Variants in ZRANB3 observed in about 807,000 individuals in gnomAD.
The protein encoded by ZRANB3 is DNA annealing helicase and endonuclease ZRANB3.
ZRANB3 carries 125 observed loss-of-function variants against 133.8 expected under a neutral mutation model. The observed-to-expected ratio is 0.93, with a 90% CI of 0.81 to 1.08. The LOEUF is 1.08. ZRANB3 is among the 50% of genes least tolerant of loss of function. ZRANB3 has a pLI of 0.00. For synonymous variants in ZRANB3, 387 were observed against 432.7 expected, an observed-to-expected ratio of 0.89 and a Z score of 1.31; for missense variants, 1,229 against 1,275.5, an observed-to-expected ratio of 0.96 and a Z score of 0.56.
chr2:135,451,068 C>T (rs2105005077), intron 2 of ZRANB3, among the ~76,000 whole-genome samples: 1 of 152,258 alleles, frequency 6.6e-6, no homozygotes, highest in East Asian at 1.9e-4. Context: ...AGAGTTTCTG[C>T]CTTCACAGTG....
At chr2:135,416,212 T>G (rs1379042993) in intron 2 of ZRANB3, among the ~76,000 whole-genome samples, 3 of 151,564 alleles carry the variant, frequency 2.0e-5, no homozygotes, top group African/African-American at 7.3e-5. Context: ...GAAAACCCCA[T>G]CGTCTCAGCC....
Position 135,247,545 on chromosome 2 carries a change from CTTA to C in ZRANB3, c.1540-16621_1540-16619del, listed in dbSNP as rs112490188. Among the ~76,000 whole-genome samples the C allele has an allele frequency of 3.0e-3, 463 of 151,996 alleles. 3 individuals carry two copies. The highest frequency in any genetic ancestry group is 0.01 in the African/African-American group (432 of 41,450). On this transcript the variant is annotated intron_variant, in intron 12 of 20. Transcript: ENST00000264159. ...AGTAGTAAAAAAGAAAACGTTATTA[CTTA>C]TTATTATTTTTTTTTAGAGACATGG...
chr2:135,345,517 A>C, intron 6 of ZRANB3, 33 bp downstream of exon 6: 1 of 1,478,362 alleles, frequency 6.8e-7, no homozygotes, highest in African/African-American at 1.4e-5. Flanking sequence ...TAAACATGTG[A>C]GGAAAAAATT....
At chr2:135,464,398 T>C (rs1284300343) in intron 2 of ZRANB3, among the ~76,000 whole-genome samples, 2 of 152,186 alleles carry the variant, frequency 1.3e-5, no homozygotes, top group Non-Finnish European at 2.9e-5. Flanking sequence ...ACTGTTCGCC[T>C]TAGGGTGGAA....
At chr2:135,370,169 CT>C (rs909273820) in intron 3 of ZRANB3, among the ~76,000 whole-genome samples, 108 of 142,194 alleles carry the variant, frequency 7.6e-4, no homozygotes, top group Admixed American at 1.5e-3. Flanking sequence ...GTTCTATAAT[CT>C]TTTTTTTTTT....
intron 8 of ZRANB3, among the ~76,000 whole-genome samples, chr2:135,298,606 C>G (rs1472556625): frequency 6.6e-6 from 1 of 152,094 alleles, no homozygotes; most frequent in African/African-American, 2.4e-5. Flanking sequence ...GTCTAGCCAC[C>G]CCAGTAGAGC....
rs149661556 is a variant in ZRANB3 at position 135,475,441 on chromosome 2, G to A, written c.161+28888C>T. Among the ~76,000 whole-genome samples, 431 of 152,214 alleles carry A rather than the reference G, an allele frequency of 2.8e-3. 1 individual carries two copies. The highest frequency in any genetic ancestry group is 9.4e-3 in the African/African-American group (390 of 41,524). Reference sequence around the variant, plus strand: ...ACAATAATTAAATCTAAAGCTTCTTGACTATATCTTTTGAACTGGGCATCA... The same window carrying A: ...ACAATAATTAAATCTAAAGCTTCTTAACTATATCTTTTGAACTGGGCATCA... On this transcript the variant is annotated intron_variant, in intron 2 of 20. Coordinates refer to ENST00000264159, the MANE Select transcript of ZRANB3 (RefSeq NM_032143.4).
intron 2 of ZRANB3, among the ~76,000 whole-genome samples, chr2:135,405,112 G>C (rs183402508): frequency 2.3e-3 from 344 of 152,190 alleles, no homozygotes; most frequent in African/African-American, 6.0e-3. Flanking sequence ...TCAAAATAAA[G>C]GGATGGAGGA....
chr2:135,345,324 C>T lies in ZRANB3; in HGVS notation c.677+226G>A, dbSNP rs1194116357. ...CTATTAAAAATACAAAAAAATTAGC[C>T]GGGCATGGTGGCGCATGCCTGTAAT... On this transcript the variant is annotated intron_variant, in intron 6 of 20. Coordinates refer to ENST00000264159, the MANE Select transcript of ZRANB3 (RefSeq NM_032143.4). 37 of 348,356 alleles carry T rather than the reference C, an allele frequency of 1.1e-4. 1 individual carries two copies. The highest frequency in any genetic ancestry group is 1.6e-4 in the Non-Finnish European group (31 of 192,130). 21.6% of individuals were successfully genotyped at this position (348,356 alleles called of 1,614,324 possible). A position where few individuals can be genotyped will look rare whatever the true frequency, so the allele number is the denominator to read the frequency against.
chr2:135,332,011 T>G (rs1684169838), intron 6 of ZRANB3, among the ~76,000 whole-genome samples: 1 of 152,108 alleles, frequency 6.6e-6, no homozygotes, highest in Non-Finnish European at 1.5e-5. Flanking sequence ...TGTTAATGCA[T>G]GGGACAAGGC....
chr2:135,217,256 G>C (rs192727981), intron 17 of ZRANB3, among the ~76,000 whole-genome samples: 68 of 152,200 alleles, frequency 4.5e-4, no homozygotes, highest in African/African-American at 1.6e-3. Flanking sequence ...AGTAAGATCT[G>C]GACAACCTGA....
At chr2:135,258,106 T>C (rs1286630088) in intron 12 of ZRANB3, among the ~76,000 whole-genome samples, 2 of 152,116 alleles carry the variant, frequency 1.3e-5, no homozygotes, top group African/African-American at 4.8e-5. Context: ...CTGGACAACA[T>C]GGTGAGATCC....
At chr2:135,399,450 T>G (rs1319304902) in intron 2 of ZRANB3, among the ~76,000 whole-genome samples, 1 of 152,164 alleles carries the variant, frequency 6.6e-6, no homozygotes, top group African/African-American at 2.4e-5. Flanking sequence ...AGGCTAAAGT[T>G]TTAGAGTAAG....
intron 2 of ZRANB3, among the ~76,000 whole-genome samples, chr2:135,397,039 A>T (rs992811364): frequency 2.0e-5 from 3 of 152,116 alleles, no homozygotes; most frequent in African/African-American, 7.2e-5. Context: ...AGGCAGGAGG[A>T]TCCCTTGAGC....
chr2:135,481,960 G>C (rs764254271), intron 2 of ZRANB3, among the ~76,000 whole-genome samples: 3,675 of 137,248 alleles, frequency 0.027, 110 homozygotes, highest in Middle Eastern at 0.035. Context: ...GCTCTGTTCT[G>C]TTCCATTGAT....
chr2:135,291,099 T>A (rs1681690562), intron 8 of ZRANB3, among the ~76,000 whole-genome samples: 1 of 152,108 alleles, frequency 6.6e-6, no homozygotes. Flanking sequence ...TGACCTCAGG[T>A]GATCCACCTG....
At position 135,495,490 on chromosome 2, in the gene ZRANB3, C is replaced by T. The variant is rs1574202141; in HGVS notation, c.161+8839G>A. Among the ~76,000 whole-genome samples, 3 of 152,196 alleles carry T rather than the reference C, an allele frequency of 2.0e-5. No individual in the cohort carries two copies. In the South Asian group the frequency reaches 6.2e-4, roughly 32 times the overall value. On this transcript the variant is annotated intron_variant, in intron 2 of 20. Transcript: ENST00000264159. ...CCTACTCTCAAATGGTTTATAAAAA[C>T]ATGAATGCAAGCATAGGTGTATATA...
At chr2:135,385,708 T>C (rs1686938527) in intron 3 of ZRANB3, among the ~76,000 whole-genome samples, 1 of 152,150 alleles carries the variant, frequency 6.6e-6, no homozygotes, top group African/African-American at 2.4e-5. Flanking sequence ...ATCTGGTCTT[T>C]GACAAACCTG....
At chr2:135,379,684 C>T (rs1028944662) in intron 3 of ZRANB3, among the ~76,000 whole-genome samples, 8 of 152,214 alleles carry the variant, frequency 5.3e-5, no homozygotes, top group South Asian at 4.1e-4. Flanking sequence ...AAGAATCAAC[C>T]GGTACCAGTC....
Sources: gnomAD v4.1 joint callset for allele counts (sites outside exome capture counted in the v4.1 genomes callset) on GRCh38, gnomAD v4.1.1 for gene constraint, MANE v1.5 for transcripts, NCBI Gene and HGNC (gene_info 2026-07-23, HGNC 2026-07-21) for gene names.